TSC22D4: variants seen among roughly 807,000 people sequenced by gnomAD.
TSC22D4 encodes the protein TSC22 domain family member 4.
TSC22D4 carries 5 observed loss-of-function variants against 24.9 expected under a neutral mutation model. The observed-to-expected ratio is 0.20, with a 90% CI of 0.10 to 0.42. The LOEUF is 0.42. TSC22D4 is among the 10% of genes least tolerant of loss of function. The pLI, the probability that TSC22D4 is intolerant of heterozygous loss-of-function variation, is 1.00. For synonymous variants in TSC22D4, 245 were observed against 243.2 expected (o/e 1.01, Z -0.07); for missense variants, 469 against 547.9 (o/e 0.86, Z 1.44).
chr7:100,473,276 G>C (rs752465567), intron 3 of TSC22D4, among the ~76,000 whole-genome samples: 4 of 152,056 alleles, frequency 2.6e-5, no homozygotes, highest in Admixed American at 2.6e-4. Context: ...CCCATCTTAG[G>C]GACTTGCTTT....
At chr7:100,469,256 G>C (rs1459249419) in intron 3 of TSC22D4, among the ~76,000 whole-genome samples, 1 of 151,588 alleles carries the variant, frequency 6.6e-6, no homozygotes, top group Non-Finnish European at 1.5e-5. Flanking sequence ...ATCGCCTATG[G>C]GCCTGGGACC....
chr7:100,468,969 T>C (rs1198100693), intron 3 of TSC22D4, among the ~76,000 whole-genome samples: 1 of 150,756 alleles, frequency 6.6e-6, no homozygotes, highest in Non-Finnish European at 1.5e-5. Flanking sequence ...CTCACGCTTG[T>C]AATCCCAGCA....
chr7:100,478,080 TG>T lies in TSC22D4; in HGVS notation c.-43del. The T allele has an allele frequency of 6.5e-7, 1 of 1,531,058 alleles. No homozygotes were observed. 94.8% of individuals were successfully genotyped at this position (1,531,058 alleles called of 1,614,324 possible). A position where few individuals can be genotyped will look rare whatever the true frequency, so the allele number is the denominator to read the frequency against. On this transcript the variant is annotated 5_prime_UTR_variant, in exon 2 of 5. Coordinates refer to ENST00000300181, the MANE Select transcript of TSC22D4 (RefSeq NM_030935.5). ...GGCTGGGCCAAGGTTGGGGGTGGGTTGGGGCTCCTTGAAGGGGCTCAGGCAC... is the reference window on the plus strand; with the variant it reads ...GGCTGGGCCAAGGTTGGGGGTGGGTTGGGCTCCTTGAAGGGGCTCAGGCAC...
rs962464392 is a variant in TSC22D4, at chr7:100,478,194, G to A, written c.-156C>T. The A allele has an allele frequency of 6.4e-6, 4 of 620,188 alleles. No homozygotes were observed. The highest frequency in any genetic ancestry group is 5.7e-5 in the East Asian group (2 of 35,098). 38.4% of individuals were successfully genotyped at this position (620,188 alleles called of 1,614,324 possible). On this transcript the variant is annotated 5_prime_UTR_variant, in exon 2 of 5. Transcript: ENST00000300181. ...ATGGCAGGAGGGCCTGGCGGGAACC[G>A]GGGGTGCCTGCTGGGTGAGGGGAGA...
chr7:100,475,921 C>T (rs1386761960), intron 2 of TSC22D4, among the ~76,000 whole-genome samples: 80 of 151,986 alleles, frequency 5.3e-4, no homozygotes, highest in Admixed American at 5.2e-3. Flanking sequence ...CACCACTCCC[C>T]TCTGTTAAGA....
Position 100,478,114 on chromosome 7 carries a change from A to T in TSC22D4, c.-76T>A. On this transcript the variant is annotated 5_prime_UTR_variant, in exon 2 of 5. It introduces an in-frame stop codon into an upstream open reading frame of the 5' UTR. Transcript: ENST00000300181. ...TTGAAGGGGCTCAGGCACCCCTGGA[A>T]CAAGGGGGCCACATGGCGGGGACAT... is the stretch of plus-strand genomic sequence containing the variant. The T allele has an allele frequency of 7.8e-7, 1 of 1,280,070 alleles. No homozygotes were observed. Among genetic ancestry groups the T allele is most frequent in the Non-Finnish European group, 1.1e-6 (1 of 939,840 alleles). The allele number at this position is 1,280,070 out of a possible 1,614,324, so 79.3% of individuals were successfully genotyped here. A position where few individuals can be genotyped will look rare whatever the true frequency, so the allele number is the denominator to read the frequency against.
intron 4 of TSC22D4, 127 bp from the exon 5 acceptor site, chr7:100,467,295 CAG>C (rs1799300182): frequency 3.7e-6 from 4 of 1,093,746 alleles, no homozygotes; most frequent in Non-Finnish European, 5.6e-6. Context: ...AGGGAAGGGA[CAG>C]GGGAAAAGGA....
At position 100,477,397 on chromosome 7, in the gene TSC22D4, G is replaced by GGGCA; in HGVS notation, c.638_641dup (p.Ser215AlafsTer46). 6.3e-7 allele frequency: 1 copy of GGGCA among 1,596,962 alleles called. No homozygotes were observed. The highest frequency in any genetic ancestry group is 8.5e-7 in the Non-Finnish European group (1 of 1,171,058). On this transcript the variant is annotated frameshift_variant, in exon 2 of 5. Transcript: ENST00000300181. LOFTEE classifies it high-confidence loss of function. The surrounding 1 kb of genome is among the most constrained non-coding windows in gnomAD (Gnocchi z 7.8). ...CAGCCTCCGCTTCCACCCTCAGAGA[G>GGGCA]GGCAGGGGCGTGGCAGCCCGGGATG...
rs1047939647 is a variant in TSC22D4, at chr7:100,474,842, C to T, written c.763-402G>A. Among the ~76,000 whole-genome samples, 2 of 152,164 alleles carry T rather than the reference C, an allele frequency of 1.3e-5. No individual in the cohort carries two copies. Among genetic ancestry groups the T allele is most frequent in the African/African-American group, 4.8e-5 (2 of 41,448 alleles). On this transcript the variant is annotated intron_variant, in intron 2 of 4. Coordinates refer to ENST00000300181, the MANE Select transcript of TSC22D4 (RefSeq NM_030935.5). The surrounding 1 kb of genome is among the most constrained non-coding windows in gnomAD (Gnocchi z 4.3). ...TTTTTGAGACAGTCTCACTCTGTCA[C>T]CCAGGCTGGAGTGAAGTGGCACAAT... is the stretch of plus-strand genomic sequence containing the variant.
Position 100,479,137 on chromosome 7 carries a change from T to A in TSC22D4, c.-613A>T, listed in dbSNP as rs1799574758. On this transcript the variant is annotated 5_prime_UTR_variant, in exon 1 of 5. Coordinates refer to ENST00000300181, the MANE Select transcript of TSC22D4 (RefSeq NM_030935.5). ...TCCCGAGTCTCCTCCCGCGTGACCC[T>A]GCTGGGTCCGTGTCTCCGCTCCTCG... 6.6e-6 allele frequency: 1 copy of A among 152,650 alleles called. No individual in the cohort carries two copies. The highest frequency in any genetic ancestry group is 1.9e-4 in the East Asian group (1 of 5,184). The allele number at this position is 152,650 out of a possible 1,614,324, so 9.5% of individuals were successfully genotyped here.
chr7:100,470,926 C>T, intron 3 of TSC22D4, among the ~76,000 whole-genome samples: 1 of 152,198 alleles, frequency 6.6e-6, no homozygotes, highest in Middle Eastern at 3.2e-3. Context: ...GTGTGACATG[C>T]ACAGTGGGAG....
At chr7:100,475,670 G>A (rs916751209) in intron 2 of TSC22D4, among the ~76,000 whole-genome samples, 2 of 151,932 alleles carry the variant, frequency 1.3e-5, no homozygotes, top group Admixed American at 1.3e-4. Flanking sequence ...CTCTGCCCTA[G>A]GGTTGGGGGG....
intron 3 of TSC22D4, 144 bp from the exon 4 acceptor site, chr7:100,467,744 G>T: frequency 1.1e-6 from 1 of 899,490 alleles, no homozygotes; most frequent in Non-Finnish European, 1.8e-6. Context: ...ATCCCCCTGC[G>T]GGTTGAAGGC....
Position 100,477,934 on chromosome 7 carries a change from G to C in TSC22D4, c.105C>G (p.Pro35=). The change falls in exon 2 of 5, where the codon CCC becomes CCG. Residue 35 remains proline (P), a synonymous_variant. Coordinates refer to ENST00000300181, the MANE Select transcript of TSC22D4 (RefSeq NM_030935.5). The surrounding 1 kb of genome is among the most constrained non-coding windows in gnomAD (Gnocchi z 7.8). ...PGASDPPTPQ[P]PTGPPPRLPN... ...GCAGGCGGGGCGGGGGCCCGGTTGG[G>C]GGCTGTGGGGTAGGGGGATCCGAAG... The C allele has an allele frequency of 6.4e-7, 1 of 1,554,002 alleles. No homozygotes were observed. Among genetic ancestry groups the C allele is most frequent in the African/African-American group, 1.4e-5 (1 of 73,858 alleles).
chr7:100,467,260 G>C (rs986394594), intron 4 of TSC22D4, 92 bp from the exon 5 acceptor site: 1 of 1,322,618 alleles, frequency 7.6e-7, no homozygotes, highest in African/African-American at 1.4e-5. Flanking sequence ...ACAGTCCCCA[G>C]TGTCCAGAGG....
intron 3 of TSC22D4, among the ~76,000 whole-genome samples, chr7:100,471,644 C>A (rs932178436): frequency 6.6e-6 from 1 of 151,952 alleles, no homozygotes; most frequent in Non-Finnish European, 1.5e-5. Flanking sequence ...GGAGGCTGAG[C>A]CAGGAGAATC....
Position 100,477,195 on chromosome 7 carries a change from G to C in TSC22D4, c.762+82C>G. 2 of 818,656 alleles carry C rather than the reference G, an allele frequency of 2.4e-6. No homozygotes were observed. The highest frequency in any genetic ancestry group is 3.4e-5 in the Admixed American group (1 of 29,654). 50.7% of individuals were successfully genotyped at this position (818,656 alleles called of 1,614,324 possible). A position where few individuals can be genotyped will look rare whatever the true frequency, so the allele number is the denominator to read the frequency against. ...ATAAAGTGATGGAGAAGGAGGAGGA[G>C]AGGGGGGGGAGGAGGAGGAAGGAGG... On this transcript the variant is annotated intron_variant, in intron 2 of 4. Coordinates refer to ENST00000300181, the MANE Select transcript of TSC22D4 (RefSeq NM_030935.5). This position sits in a 1 kb window ranked among gnomAD's most constrained non-coding sequence, Gnocchi z 7.8.
Position 100,474,324 on chromosome 7 carries a change from C to T in TSC22D4, c.879G>A (p.Leu293=), listed in dbSNP as rs756825899. The T allele has an allele frequency of 6.2e-7, 1 of 1,614,088 alleles. No individual in the cohort carries two copies. The highest frequency in any genetic ancestry group is 1.1e-5 in the South Asian group (1 of 91,070). The change falls in exon 3 of 5, where the codon CTG becomes CTA. Residue 293 remains leucine, a synonymous_variant. Transcript: ENST00000300181. This position sits in a 1 kb window ranked among gnomAD's most constrained non-coding sequence, Gnocchi z 4.3. ...FGAVAAQKFS[L]AHSMLAISGH... is the part of the protein sequence containing the mutation. ...CACTGATGGCCAACATGGAGTGGGC[C>T]AGGCTGAACTTCTGAGCTGCTACTG...
At position 100,466,934 on chromosome 7, in the gene TSC22D4, A is replaced by T; in HGVS notation, c.*25T>A. The stretch of plus-strand genomic sequence containing the variant: ...CTGACGCAAGGCCGGGCAGCCCCAA[A>T]GGCACATTGTAAGGGAAGGGAGGCT... On this transcript the variant is annotated 3_prime_UTR_variant, in exon 5 of 5. Transcript: ENST00000300181. 1 of 1,518,962 alleles carries T rather than the reference A, an allele frequency of 6.6e-7. No individual in the cohort carries two copies. The highest frequency in any genetic ancestry group is 1.3e-5 in the South Asian group (1 of 79,858). 94.1% of individuals were successfully genotyped at this position (1,518,962 alleles called of 1,614,324 possible). A position where few individuals can be genotyped will look rare whatever the true frequency, so the allele number is the denominator to read the frequency against.
Sources: allele counts gnomAD v4.1 joint callset (sites outside exome capture counted in the v4.1 genomes callset), GRCh38; gene constraint gnomAD v4.1.1; non-coding constraint Gnocchi (gnomAD v3.1); transcripts MANE v1.5; gene names NCBI Gene and HGNC (gene_info 2026-07-23, HGNC 2026-07-21).